Variants in ADAMTS12 observed in about 807,000 individuals in gnomAD.
ADAMTS12 encodes the protein A disintegrin and metalloproteinase with thrombospondin motifs 12.
A neutral mutation model predicts 167.8 loss-of-function variants in ADAMTS12; 118 were observed. The ratio of observed to expected loss-of-function variants is 0.70; its 90% CI spans 0.61 to 0.82. ADAMTS12 has a LOEUF of 0.82. Among genes scored for constraint, ADAMTS12 ranks in the 40% least tolerant of loss-of-function variants. The pLI, the probability that ADAMTS12 is intolerant of heterozygous loss-of-function variation, is 0.00. For missense variants in ADAMTS12, 1,916 were observed against 1,998.8 expected (o/e 0.96, Z 0.79); for synonymous variants, 704 against 716.9 (o/e 0.98, Z 0.29).
At chr5:33,862,779 A>C (rs991175145) in intron 2 of ADAMTS12, among the ~76,000 whole-genome samples, 1 of 152,254 alleles carries the variant, frequency 6.6e-6, no homozygotes, top group Non-Finnish European at 1.5e-5. Context: ...ATGAACATCA[A>C]GGCAAAAATC....
At chr5:33,774,537 C>T (rs1009234464) in intron 2 of ADAMTS12, among the ~76,000 whole-genome samples, 1 of 152,148 alleles carries the variant, frequency 6.6e-6, no homozygotes, top group Non-Finnish European at 1.5e-5. Flanking sequence ...CTGTCTAATT[C>T]TCTGGAGGAC....
Position 33,658,268 on chromosome 5 carries a change from A to G in ADAMTS12, c.1106T>C (p.Met369Thr), listed in dbSNP as rs777454669. Residue 369 changes from methionine to threonine, a missense_variant, in exon 7 of 24, where the codon ATG becomes ACG. Transcript: ENST00000504830. ...ETLGLSHLSG[M>T]CQPHRSCNIN... ...GTTACAACTGCGGTGAGGCTGACAC[A>G]TTCCTGAAAGGTGAGACAGGCCCAG... 2 of 1,613,740 alleles carry G rather than the reference A, an allele frequency of 1.2e-6. No individual in the cohort carries two copies. The highest frequency in any genetic ancestry group is 1.7e-6 in the Non-Finnish European group (2 of 1,179,702).
At chr5:33,601,046 T>A (rs934678102) in intron 16 of ADAMTS12, among the ~76,000 whole-genome samples, 5 of 151,858 alleles carry the variant, frequency 3.3e-5, no homozygotes, top group Admixed American at 3.3e-4. Flanking sequence ...CCCTTCATAA[T>A]GAAGGCTCTG....
intron 3 of ADAMTS12, among the ~76,000 whole-genome samples, chr5:33,690,460 G>GA (rs35569469): frequency 0.23 from 33,128 of 144,152 alleles, 3,799 homozygotes; most frequent in East Asian, 0.42. Flanking sequence ...ATAAGCACCT[G>GA]AAAAAAAAAA....
At chr5:33,623,319 A>T (rs1427634211) in intron 14 of ADAMTS12, among the ~76,000 whole-genome samples, 2 of 152,216 alleles carry the variant, frequency 1.3e-5, no homozygotes, top group Non-Finnish European at 2.9e-5. Context: ...TATGGAATCC[A>T]GAGAATTAAC....
intron 9 of ADAMTS12, among the ~76,000 whole-genome samples, chr5:33,646,056 T>C (rs1303419376): frequency 3.3e-5 from 5 of 152,008 alleles, no homozygotes; most frequent in African/African-American, 1.2e-4. Context: ...CTGTGCAGGG[T>C]TCTAGAGGTT....
chr5:33,759,368 G>A (rs1251991950), intron 2 of ADAMTS12, among the ~76,000 whole-genome samples: 1 of 152,244 alleles, frequency 6.6e-6, no homozygotes, highest in African/African-American at 2.4e-5. Flanking sequence ...CCAGACTTCA[G>A]AGACAGGCTA....
At chr5:33,665,448 T>C (rs890890482) in intron 5 of ADAMTS12, among the ~76,000 whole-genome samples, 1 of 152,200 alleles carries the variant, frequency 6.6e-6, no homozygotes, top group African/African-American at 2.4e-5. Flanking sequence ...TAGCCTGATT[T>C]AGCCATTCCA....
chr5:33,777,392 A>G (rs1416008778), intron 2 of ADAMTS12, among the ~76,000 whole-genome samples: 1 of 152,168 alleles, frequency 6.6e-6, no homozygotes, highest in African/African-American at 2.4e-5. Context: ...ATTTTTAAAA[A>G]TATGATACAC....
chr5:33,666,893 G>C (rs1295282334), intron 5 of ADAMTS12, among the ~76,000 whole-genome samples: 3 of 152,188 alleles, frequency 2.0e-5, no homozygotes, highest in East Asian at 3.9e-4. Flanking sequence ...TCCCAGTGAG[G>C]TTCTACATAA....
chr5:33,562,741 C>T (rs1356672504), intron 19 of ADAMTS12, among the ~76,000 whole-genome samples: 2 of 151,774 alleles, frequency 1.3e-5, no homozygotes, highest in African/African-American at 2.4e-5. Context: ...AAGCAATTCT[C>T]CTGCCCCAGC....
At position 33,865,137 on chromosome 5, in the gene ADAMTS12, C is replaced by G. The variant is rs556248340; in HGVS notation, c.489+15982G>C. Reference sequence around the variant, plus strand: ...ATCATTCTATGAAACCAGTATCACCCTGATACCAAAACCAGGAAAGGACAT... The same window carrying G: ...ATCATTCTATGAAACCAGTATCACCGTGATACCAAAACCAGGAAAGGACAT... On this transcript the variant is annotated intron_variant, in intron 2 of 23. Transcript: ENST00000504830. 2.0e-5 allele frequency among the ~76,000 whole-genome samples: 3 copies of G among 152,078 alleles called. No homozygotes were observed. In the South Asian group the frequency reaches 6.2e-4, roughly 32 times the overall value.
rs116297322 is a variant in ADAMTS12, at chr5:33,596,290, A to G, written c.2528-230T>C. ...GCTTGCCTAGGAAAAACTGTAGATC[A>G]TAGAGGTAGGAGGTAAAGTCTGTTC... On this transcript the variant is annotated intron_variant, in intron 16 of 23. Transcript: ENST00000504830. Among the ~76,000 whole-genome samples the G allele has an allele frequency of 3.7e-3, 560 of 152,308 alleles. 3 individuals carry two copies. Among genetic ancestry groups the G allele is most frequent in the African/African-American group, 0.013 (530 of 41,562 alleles).
chr5:33,694,982 A>G (rs530842679), intron 3 of ADAMTS12, among the ~76,000 whole-genome samples: 1 of 152,340 alleles, frequency 6.6e-6, no homozygotes, highest in African/African-American at 2.4e-5. Context: ...AGAGGTCAAG[A>G]CACTTGGATA....
chr5:33,558,114 C>G (rs1366042648), intron 20 of ADAMTS12, among the ~76,000 whole-genome samples: 1 of 151,964 alleles, frequency 6.6e-6, no homozygotes, highest in African/African-American at 2.4e-5. Context: ...AAATAAAGTG[C>G]ACAATAAATG....
At chr5:33,810,292 C>G (rs549543671) in intron 2 of ADAMTS12, among the ~76,000 whole-genome samples, 1 of 152,150 alleles carries the variant, frequency 6.6e-6, no homozygotes, top group Non-Finnish European at 1.5e-5. Context: ...AGATAGGTTC[C>G]TCTTGGATTG....
chr5:33,564,070 C>T (rs992454332), intron 19 of ADAMTS12, among the ~76,000 whole-genome samples: 6 of 152,204 alleles, frequency 3.9e-5, no homozygotes, highest in Non-Finnish European at 8.8e-5. Flanking sequence ...AAGGAATGTG[C>T]TGTGTCCAGT....
intron 3 of ADAMTS12, among the ~76,000 whole-genome samples, chr5:33,705,714 C>T (rs762399073): frequency 3.9e-5 from 6 of 152,076 alleles, no homozygotes; most frequent in Non-Finnish European, 7.3e-5. Flanking sequence ...GAGGCTGAGG[C>T]AGCAGAATCG....
intron 2 of ADAMTS12, among the ~76,000 whole-genome samples, chr5:33,867,204 C>T (rs1019888556): frequency 7.2e-5 from 11 of 152,198 alleles, no homozygotes; most frequent in Admixed American, 1.3e-4. Context: ...GACATGGAAC[C>T]GACCTAAGTG....
Sources: gnomAD v4.1 joint callset for allele counts (sites outside exome capture counted in the v4.1 genomes callset) on GRCh38, gnomAD v4.1.1 for gene constraint, MANE v1.5 for transcripts, NCBI Gene and HGNC (gene_info 2026-07-23, HGNC 2026-07-21) for gene names.